TGFBR2: variants seen among roughly 807,000 people sequenced by gnomAD.
TGFBR2 encodes the protein transforming growth factor beta receptor 2.
Under a neutral mutation model 49.0 loss-of-function variants are expected in TGFBR2, and 18 were observed. The observed-to-expected ratio is 0.37, with a 90% confidence interval of 0.25 to 0.54. The LOEUF is 0.54. Ranked by LOEUF, TGFBR2 falls within the 20% of genes least tolerant of loss-of-function variation. TGFBR2 has a pLI of 0.85. For missense variants in TGFBR2, 525 were observed against 722.6 expected, an observed-to-expected ratio of 0.73 and a Z score of 3.13; for synonymous variants, 282 against 275.9, an observed-to-expected ratio of 1.02 and a Z score of -0.22.
intron 1 of TGFBR2, among the ~76,000 whole-genome samples, chr3:30,615,448 A>G (rs1698114257): frequency 6.6e-6 from 1 of 152,236 alleles, no homozygotes; most frequent in Non-Finnish European, 1.5e-5. Context: ...AATTTATATG[A>G]CATTACCTGT....
chr3:30,651,851 AT>A (rs1246980341), intron 3 of TGFBR2, among the ~76,000 whole-genome samples: 5 of 152,206 alleles, frequency 3.3e-5, no homozygotes, highest in African/African-American at 1.2e-4. Flanking sequence ...AAGTCTTTTA[AT>A]TTTACCAGCG....
At chr3:30,681,957 G>A (rs991783089) in intron 5 of TGFBR2, among the ~76,000 whole-genome samples, 15 of 152,214 alleles carry the variant, frequency 9.9e-5, no homozygotes, top group Non-Finnish European at 2.1e-4. Flanking sequence ...TACCACCATG[G>A]GCAACTGGAG....
At chr3:30,642,010 C>T (rs1394216874) in intron 1 of TGFBR2, among the ~76,000 whole-genome samples, 3 of 151,980 alleles carry the variant, frequency 2.0e-5, no homozygotes, top group Non-Finnish European at 4.4e-5. Context: ...CTGCAAGCAT[C>T]GGACTTAAAC....
intron 3 of TGFBR2, among the ~76,000 whole-genome samples, chr3:30,669,907 C>T (rs1253199964): frequency 6.6e-6 from 1 of 152,164 alleles, no homozygotes; most frequent in Non-Finnish European, 1.5e-5. Context: ...TTATCAGTAT[C>T]ATTTAGGTAA....
At chr3:30,658,356 G>T (rs1699047398) in intron 3 of TGFBR2, among the ~76,000 whole-genome samples, 1 of 152,136 alleles carries the variant, frequency 6.6e-6, no homozygotes, top group Non-Finnish European at 1.5e-5. Flanking sequence ...CATAATTATA[G>T]CTCCTGTCTT....
At chr3:30,634,388 A>T (rs1431131) in intron 1 of TGFBR2, among the ~76,000 whole-genome samples, 50,118 of 152,086 alleles carry the variant, frequency 0.33, 8,949 homozygotes, top group East Asian at 0.67. Context: ...CATTTAGACC[A>T]TCCTTATTTC....
intron 1 of TGFBR2, among the ~76,000 whole-genome samples, chr3:30,624,619 G>GA (rs372402705): frequency 0.22 from 31,628 of 140,584 alleles, 3,405 homozygotes; most frequent in Middle Eastern, 0.31. Flanking sequence ...CGTCTCAAAG[G>GA]AAAAAAAAAA....
At chr3:30,689,013 G>A (rs74737462) in intron 6 of TGFBR2, among the ~76,000 whole-genome samples, 387 of 152,300 alleles carry the variant, frequency 2.5e-3, no homozygotes, top group African/African-American at 9.0e-3. Context: ...ACTTGGGAGA[G>A]GCCTGAGTGA....
chr3:30,637,104 C>T (rs1248164985), intron 1 of TGFBR2, among the ~76,000 whole-genome samples: 1 of 145,030 alleles, frequency 6.9e-6, no homozygotes, highest in African/African-American at 2.5e-5. Context: ...AACAACAAAA[C>T]AGAAATGGTG....
At chr3:30,635,804 C>G (rs1698516887) in intron 1 of TGFBR2, among the ~76,000 whole-genome samples, 1 of 152,086 alleles carries the variant, frequency 6.6e-6, no homozygotes, top group African/African-American at 2.4e-5. Context: ...AATTCATGAG[C>G]CAAAATGCTA....
chr3:30,628,340 G>A (rs995919848), intron 1 of TGFBR2, among the ~76,000 whole-genome samples: 1 of 151,740 alleles, frequency 6.6e-6, no homozygotes, highest in African/African-American at 2.4e-5. Context: ...CTTTTAATTG[G>A]GTTCAGTATT....
At chr3:30,659,778 C>T (rs1699081867) in intron 3 of TGFBR2, among the ~76,000 whole-genome samples, 1 of 151,788 alleles carries the variant, frequency 6.6e-6, no homozygotes, top group Non-Finnish European at 1.5e-5. Context: ...TCAGGTCTCT[C>T]CCACTGCGGC....
At position 30,674,191 on chromosome 3, in the gene TGFBR2, C is replaced by G. The variant is rs2125439158; in HGVS notation, c.1341C>G (p.Val447=). The change falls in exon 5 of 7, where the codon GTC becomes GTG. Residue 447 remains valine (V), a synonymous_variant. Transcript: ENST00000295754. ...ENVESFKQTD[V]YSMALVLWEM... is the part of the protein sequence containing the mutation. ...TTGAGTCCTTCAAGCAGACCGATGT[C>G]TACTCCATGGCTCTGGTGCTCTGGG... 1 of 1,614,176 alleles carries G rather than the reference C, an allele frequency of 6.2e-7. No individual in the cohort carries two copies. Among genetic ancestry groups the G allele is most frequent in the Admixed American group, 1.7e-5 (1 of 60,026 alleles).
At chr3:30,634,622 G>C (rs747362322) in intron 1 of TGFBR2, among the ~76,000 whole-genome samples, 8 of 152,184 alleles carry the variant, frequency 5.3e-5, no homozygotes, top group Non-Finnish European at 1.0e-4. Context: ...TCCGTCAGTC[G>C]TGTATCATTA....
intron 3 of TGFBR2, among the ~76,000 whole-genome samples, chr3:30,653,911 T>C (rs1274527307): frequency 6.6e-6 from 1 of 152,156 alleles, no homozygotes; most frequent in African/African-American, 2.4e-5. Flanking sequence ...AGGATCCCTG[T>C]TTATGCATGA....
chr3:30,634,417 AATC>A (rs1372676608), intron 1 of TGFBR2, among the ~76,000 whole-genome samples: 2 of 152,230 alleles, frequency 1.3e-5, no homozygotes, highest in Non-Finnish European at 2.9e-5. Context: ...TTTTGATGAA[AATC>A]ATTTCGTGCA....
At position 30,606,887 on chromosome 3, in the gene TGFBR2, G is replaced by T. The variant is rs565502802; in HGVS notation, c.4G>T (p.Gly2Cys). Residue 2 changes from glycine to cysteine, a missense_variant, in exon 1 of 7, where the codon GGT becomes TGT. Coordinates refer to ENST00000295754, the MANE Select transcript of TGFBR2 (RefSeq NM_003242.6). The part of the protein sequence containing the change: M[G>C]RGLLRGLWPL... ...ATGACGAGCAGCGGGGTCTGCCATG[G>T]GTCGGGGGCTGCTCAGGGGCCTGTG... 3.8e-5 allele frequency: 59 copies of T among 1,560,118 alleles called. No homozygotes were observed. In the African/African-American group the frequency reaches 7.5e-4, roughly 20 times the overall value.
At chr3:30,681,392 G>T (rs1699538449) in intron 5 of TGFBR2, among the ~76,000 whole-genome samples, 1 of 152,026 alleles carries the variant, frequency 6.6e-6, no homozygotes, top group African/African-American at 2.4e-5. Flanking sequence ...TGTTACATTG[G>T]GACTACAGTC....
At position 30,693,430 on chromosome 3, in the gene TGFBR2, TA is replaced by T. The variant is rs1374914104; in HGVS notation, c.*1835del. The T allele has an allele frequency of 4.3e-6, 1 of 233,648 alleles. No individual in the cohort carries two copies. Among genetic ancestry groups the T allele is most frequent in the Non-Finnish European group, 8.5e-6 (1 of 118,006 alleles). The allele number at this position is 233,648 out of a possible 1,614,324, so 14.5% of individuals were successfully genotyped here. A position where few individuals can be genotyped will look rare whatever the true frequency, so the allele number is the denominator to read the frequency against. ...TTAATGCTGCAAGTAATCTCTTTTT[TA>T]AAACTTTTTGAAGCTACTTATTTTC... On this transcript the variant is annotated 3_prime_UTR_variant, in exon 7 of 7. Coordinates refer to ENST00000295754, the MANE Select transcript of TGFBR2 (RefSeq NM_003242.6).
Sources: allele counts gnomAD v4.1 joint callset (sites outside exome capture counted in the v4.1 genomes callset), GRCh38; gene constraint gnomAD v4.1.1; transcripts MANE v1.5; gene names NCBI Gene and HGNC (gene_info 2026-07-23, HGNC 2026-07-21).